NR3C2: variants seen among roughly 807,000 people sequenced by gnomAD.
NR3C2 encodes nuclear receptor subfamily 3 group C member 2.
NR3C2 carries 15 observed loss-of-function variants against 86.4 expected under a neutral mutation model. That is an observed-to-expected ratio of 0.17 (90% CI 0.12 to 0.27). The LOEUF is 0.27. NR3C2 is among the 10% of genes least tolerant of loss of function. The pLI is 1.00. For missense variants in NR3C2, 960 were observed against 1,195.6 expected, an observed-to-expected ratio of 0.80 and a Z score of 2.91; for synonymous variants, 458 against 450.5, an observed-to-expected ratio of 1.02 and a Z score of -0.21.
chr4:148,372,241 A>C lies in NR3C2; in HGVS notation c.1757+62863T>G, dbSNP rs1746458409. 2.0e-5 allele frequency among the ~76,000 whole-genome samples: 3 copies of C among 152,180 alleles called. No homozygotes were observed. The South Asian group carries it at 6.2e-4, about 32-fold the overall frequency. On this transcript the variant is annotated intron_variant, in intron 2 of 8. Transcript: ENST00000358102. ...TTCTTTTTTGGATAAACCAAAAAAG[A>C]AAGATGTCTTAATTTTCTGAAAATG...
At chr4:148,343,414 C>G (rs553380969) in intron 2 of NR3C2, among the ~76,000 whole-genome samples, 5 of 151,922 alleles carry the variant, frequency 3.3e-5, no homozygotes, top group Admixed American at 2.0e-4. Flanking sequence ...CCCGACCCCC[C>G]CTTTTTTTTA....
At chr4:148,100,743 G>C (rs1194103995) in intron 8 of NR3C2, among the ~76,000 whole-genome samples, 3 of 152,220 alleles carry the variant, frequency 2.0e-5, no homozygotes, top group Non-Finnish European at 2.9e-5. Flanking sequence ...TGAAAGCAGA[G>C]TCTCAAAGAG....
chr4:148,308,919 G>A (rs1742771980), intron 2 of NR3C2, among the ~76,000 whole-genome samples: 1 of 152,102 alleles, frequency 6.6e-6, no homozygotes, highest in African/African-American at 2.4e-5. Context: ...AAAGGTGGAG[G>A]TTGCAGTGAG....
intron 6 of NR3C2, among the ~76,000 whole-genome samples, chr4:148,150,896 C>G (rs1182291591): frequency 1.3e-5 from 2 of 152,036 alleles, no homozygotes; most frequent in Non-Finnish European, 1.5e-5. Flanking sequence ...TTAGGCTAAG[C>G]AAAATGAGCC....
intron 3 of NR3C2, among the ~76,000 whole-genome samples, chr4:148,255,715 T>C (rs1739799627): frequency 6.6e-6 from 1 of 152,188 alleles, no homozygotes; most frequent in African/African-American, 2.4e-5. Flanking sequence ...GGTTATAAAA[T>C]AGTGTGCTGA....
At chr4:148,241,701 G>T (rs1010728122) in intron 3 of NR3C2, among the ~76,000 whole-genome samples, 3 of 152,092 alleles carry the variant, frequency 2.0e-5, no homozygotes, top group Admixed American at 6.6e-5. Context: ...CAAATTGTCT[G>T]TCTTCCTCAC....
chr4:148,312,286 T>C (rs1448336989), intron 2 of NR3C2, among the ~76,000 whole-genome samples: 7 of 102,244 alleles, frequency 6.8e-5, no homozygotes, highest in African/African-American at 2.6e-4. Flanking sequence ...TACATTTAAA[T>C]TTATGTTTTT....
intron 3 of NR3C2, among the ~76,000 whole-genome samples, chr4:148,251,947 T>G (rs1739599014): frequency 6.6e-6 from 1 of 152,148 alleles, no homozygotes; most frequent in Admixed American, 6.6e-5. Flanking sequence ...ATAGTTGGTA[T>G]CTGATATTAC....
intron 8 of NR3C2, among the ~76,000 whole-genome samples, chr4:148,099,800 C>T (rs146486288): frequency 1.3e-5 from 2 of 152,142 alleles, no homozygotes; most frequent in Non-Finnish European, 2.9e-5. Flanking sequence ...TATTTCAGAT[C>T]AGGAAAAGAT....
At chr4:148,265,838 C>T (rs1188250379) in intron 2 of NR3C2, among the ~76,000 whole-genome samples, 1 of 152,006 alleles carries the variant, frequency 6.6e-6, no homozygotes, top group Non-Finnish European at 1.5e-5. Context: ...ATTAACTAGG[C>T]CAAGTACTGA....
intron 3 of NR3C2, among the ~76,000 whole-genome samples, chr4:148,207,556 G>A (rs1007146394): frequency 2.0e-5 from 3 of 152,144 alleles, no homozygotes; most frequent in South Asian, 2.1e-4. Flanking sequence ...TTCCTAATGC[G>A]ATTCATAAGG....
chr4:148,253,654 C>G (rs1484257578), intron 3 of NR3C2, among the ~76,000 whole-genome samples: 1 of 152,156 alleles, frequency 6.6e-6, no homozygotes, highest in Non-Finnish European at 1.5e-5. Context: ...CTTAGATATA[C>G]CTGAATGTCC....
intron 3 of NR3C2, among the ~76,000 whole-genome samples, chr4:148,234,366 C>A (rs1229559308): frequency 6.6e-6 from 1 of 151,954 alleles, no homozygotes; most frequent in African/African-American, 2.4e-5. Flanking sequence ...ACTTATATAA[C>A]CTTATTTAAA....
intron 2 of NR3C2, among the ~76,000 whole-genome samples, chr4:148,385,072 T>C (rs61764769): frequency 0.12 from 17,610 of 152,208 alleles, 1,069 homozygotes; most frequent in Middle Eastern, 0.15. Context: ...CACTTAAAAA[T>C]GCATATGACA....
intron 8 of NR3C2, among the ~76,000 whole-genome samples, chr4:148,083,759 C>A (rs1396811225): frequency 6.6e-6 from 1 of 151,790 alleles, no homozygotes; most frequent in Admixed American, 6.6e-5. Context: ...AGGAGCAATG[C>A]AAGGAAGCTA....
At position 148,248,806 on chromosome 4, in the gene NR3C2, T is replaced by C. The variant is rs566392670; in HGVS notation, c.1897+11172A>G. Among the ~76,000 whole-genome samples the C allele has an allele frequency of 2.6e-5, 4 of 152,306 alleles. No individual in the cohort carries two copies. The South Asian group carries it at 6.2e-4, about 24-fold the overall frequency. ...GTAGCCACAGTTTAAATATTCCAAA[T>C]TTTATTGAGAACCAAGGTGTAATAT... is the stretch of plus-strand genomic sequence containing the variant. On this transcript the variant is annotated intron_variant, in intron 3 of 8. Coordinates refer to ENST00000358102, the MANE Select transcript of NR3C2 (RefSeq NM_000901.5).
chr4:148,312,127 C>T (rs933003041), intron 2 of NR3C2, among the ~76,000 whole-genome samples: 6 of 152,098 alleles, frequency 3.9e-5, no homozygotes, highest in African/African-American at 1.2e-4. Context: ...TATACTGGCT[C>T]GTGGAAGCCA....
intron 2 of NR3C2, among the ~76,000 whole-genome samples, chr4:148,260,356 T>C (rs72655236): frequency 3.3e-5 from 5 of 152,212 alleles, no homozygotes; most frequent in Non-Finnish European, 5.9e-5. Flanking sequence ...TAATCAAATG[T>C]AAATCTCTTT....
At chr4:148,400,027 G>A (rs1019483590) in intron 2 of NR3C2, among the ~76,000 whole-genome samples, 3 of 151,804 alleles carry the variant, frequency 2.0e-5, no homozygotes, top group Non-Finnish European at 2.9e-5. Flanking sequence ...GAAACTCTTT[G>A]TATTTTAAGC....
Sources: gnomAD v4.1 joint callset for allele counts (sites outside exome capture counted in the v4.1 genomes callset) on GRCh38, gnomAD v4.1.1 for gene constraint, MANE v1.5 for transcripts, NCBI Gene and HGNC (gene_info 2026-07-23, HGNC 2026-07-21) for gene names.